TRDN: variants seen among roughly 807,000 people sequenced by gnomAD.
The protein encoded by TRDN is triadin in skeletal muscle.
TRDN carries 161 observed loss-of-function variants against 149.7 expected under a neutral mutation model. The observed-to-expected ratio is 1.08, with a 90% CI of 0.95 to 1.23. The LOEUF is 1.23. TRDN is among the 50% of genes most tolerant of loss of function. TRDN has a pLI of 0.00. For synonymous variants in TRDN, 294 were observed against 250.5 expected (o/e 1.17, Z -1.64); for missense variants, 896 against 823.5 (o/e 1.09, Z -1.08).
At chr6:123,586,910 TAA>T (rs1783519861) in intron 1 of TRDN, among the ~76,000 whole-genome samples, 1 of 151,378 alleles carries the variant, frequency 6.6e-6, no homozygotes, top group African/African-American at 2.4e-5. Context: ...TGCAGAGATA[TAA>T]GAGGTTAGGG....
intron 19 of TRDN, among the ~76,000 whole-genome samples, chr6:123,370,024 CTG>C (rs969159209): frequency 6.6e-6 from 1 of 152,170 alleles, no homozygotes; most frequent in Admixed American, 6.6e-5. Context: ...CTCTCACTCT[CTG>C]TTTTTCAAAC....
At chr6:123,227,173 T>A (rs1775408423) in intron 38 of TRDN, among the ~76,000 whole-genome samples, 1 of 151,738 alleles carries the variant, frequency 6.6e-6, no homozygotes, top group East Asian at 1.9e-4. Flanking sequence ...GACTAGAGCA[T>A]GAGAAAATGA....
intron 1 of TRDN, among the ~76,000 whole-genome samples, chr6:123,586,641 T>A (rs1783501629): frequency 6.6e-6 from 1 of 152,104 alleles, no homozygotes; most frequent in African/African-American, 2.4e-5. Context: ...TCAAGCGGCA[T>A]TGCAGAAGAA....
At chr6:123,433,926 T>C (rs1242331153) in intron 12 of TRDN, 1 of 152,190 alleles carries the variant, frequency 6.6e-6, no homozygotes, top group Non-Finnish European at 1.5e-5. Flanking sequence ...AATATTATAA[T>C]CTAATCAAGT....
chr6:123,480,126 T>C (rs975841535), intron 9 of TRDN, among the ~76,000 whole-genome samples: 1 of 151,926 alleles, frequency 6.6e-6, no homozygotes, highest in Non-Finnish European at 1.5e-5. Context: ...TTCATTTCAT[T>C]AGAAATCCAT....
intron 10 of TRDN, among the ~76,000 whole-genome samples, chr6:123,441,660 A>C (rs1452463770): frequency 6.6e-6 from 1 of 152,220 alleles, no homozygotes; most frequent in Non-Finnish European, 1.5e-5. Context: ...TTACTTTCTA[A>C]GCCCTCACAA....
At chr6:123,287,519 C>T (rs115776337) in intron 24 of TRDN, among the ~76,000 whole-genome samples, 174 of 152,180 alleles carry the variant, frequency 1.1e-3, no homozygotes, top group African/African-American at 3.9e-3. Context: ...TCATGTAACA[C>T]AAAGGAATGG....
At chr6:123,507,013 CAG>C (rs1427491705) in intron 7 of TRDN, among the ~76,000 whole-genome samples, 1 of 152,036 alleles carries the variant, frequency 6.6e-6, no homozygotes, top group African/African-American at 2.4e-5. Flanking sequence ...TCAGAGAAAA[CAG>C]AGGATAAATG....
chr6:123,451,187 G>A (rs1775746348), intron 10 of TRDN, among the ~76,000 whole-genome samples: 1 of 151,842 alleles, frequency 6.6e-6, no homozygotes, highest in Admixed American at 6.6e-5. Context: ...ACACCTCATA[G>A]AACTAGAGAA....
intron 31 of TRDN, 41 bp from the exon 32 acceptor site, chr6:123,267,792 CT>C: frequency 6.7e-7 from 1 of 1,487,164 alleles, no homozygotes; most frequent in Non-Finnish European, 9.1e-7. Context: ...TCTGTGGATT[CT>C]TTGGCAAATA....
chr6:123,350,189 G>T (rs368202035), intron 21 of TRDN: 4 of 968,156 alleles, frequency 4.1e-6, no homozygotes, highest in South Asian at 9.6e-5. Flanking sequence ...TATTTTTGTC[G>T]TGTTTCTTCT....
At chr6:123,398,211 T>C (rs1772814545) in intron 12 of TRDN, among the ~76,000 whole-genome samples, 2 of 152,192 alleles carry the variant, frequency 1.3e-5, no homozygotes, top group South Asian at 4.1e-4. Context: ...TTCACCATGT[T>C]GGTCAGGCTG....
chr6:123,227,302 C>A (rs1408956876), intron 38 of TRDN, among the ~76,000 whole-genome samples: 3 of 151,778 alleles, frequency 2.0e-5, no homozygotes, highest in Non-Finnish European at 4.4e-5. Context: ...TGAAATAGAA[C>A]TAAATACAAG....
At chr6:123,560,364 T>C (rs968857992) in intron 2 of TRDN, among the ~76,000 whole-genome samples, 21 of 152,274 alleles carry the variant, frequency 1.4e-4, no homozygotes, top group Middle Eastern at 3.4e-3. Flanking sequence ...TTCCATATCC[T>C]GCACCACCAA....
intron 9 of TRDN, chr6:123,468,734 A>G (rs1265174719): frequency 2.0e-5 from 3 of 152,132 alleles, no homozygotes; most frequent in Non-Finnish European, 4.4e-5. Context: ...TTTCTGAACA[A>G]CTGAAGCCTA....
At chr6:123,234,416 TAAG>T (rs2114528686) in intron 38 of TRDN, among the ~76,000 whole-genome samples, 1 of 152,282 alleles carries the variant, frequency 6.6e-6, no homozygotes, top group East Asian at 1.9e-4. Flanking sequence ...CCATTCATTA[TAAG>T]AAGACTTTAT....
chr6:123,428,090 A>G (rs912644029), intron 12 of TRDN, among the ~76,000 whole-genome samples: 1 of 152,176 alleles, frequency 6.6e-6, no homozygotes, highest in Non-Finnish European at 1.5e-5. Context: ...TTCTTTTTCA[A>G]TGTTGTATCT....
intron 1 of TRDN, among the ~76,000 whole-genome samples, chr6:123,572,809 A>T (rs1266018132): frequency 6.6e-6 from 1 of 152,130 alleles, no homozygotes; most frequent in Non-Finnish European, 1.5e-5. Context: ...AAAATACATG[A>T]TTACATTGTT....
chr6:123,589,376 A>T (rs1201528233), intron 1 of TRDN, among the ~76,000 whole-genome samples: 1 of 139,854 alleles, frequency 7.2e-6, no homozygotes, highest in African/African-American at 2.5e-5. Context: ...TTGCACAAAT[A>T]AAACTTTACC....
Sources: gnomAD v4.1 joint callset for allele counts (sites outside exome capture counted in the v4.1 genomes callset) on GRCh38, gnomAD v4.1.1 for gene constraint, MANE v1.5 for transcripts, NCBI Gene and HGNC (gene_info 2026-07-23, HGNC 2026-07-21) for gene names.